MTO1: variants seen among roughly 807,000 people sequenced by gnomAD.
MTO1 encodes the protein 5-taurinomethyluridine-[tRNA] synthase subunit MTO1, mitochondrial.
A neutral mutation model predicts 71.6 loss-of-function variants in MTO1; 46 were observed. The ratio of observed to expected loss-of-function variants is 0.64; its 90% confidence interval spans 0.51 to 0.82. MTO1 has a LOEUF of 0.82. Ranked by LOEUF, MTO1 falls within the 40% of genes least tolerant of loss-of-function variation. MTO1 has a pLI of 0.00. For synonymous variants in MTO1, 297 were observed against 312.1 expected (o/e 0.95, Z 0.51); for missense variants, 773 against 867.5 (o/e 0.89, Z 1.37).
chr6:73,487,056 T>C (rs1288042065), intron 9 of MTO1, among the ~76,000 whole-genome samples: 1 of 152,210 alleles, frequency 6.6e-6, no homozygotes, highest in Non-Finnish European at 1.5e-5. Flanking sequence ...ATTTTATGTA[T>C]ATACCACATT....
At chr6:73,481,098 C>A (rs1334502960) in intron 7 of MTO1, 3 of 362,944 alleles carry the variant, frequency 8.3e-6, no homozygotes, top group Admixed American at 4.3e-5. Context: ...GGACTGCAGG[C>A]ATGCACCACA....
At chr6:73,486,687 G>A (rs997989071) in intron 9 of MTO1, 6 of 371,012 alleles carry the variant, frequency 1.6e-5, no homozygotes, top group Non-Finnish European at 2.2e-5. Context: ...GCAGTGAGCC[G>A]AGATCAAGCC....
At chr6:73,464,760 G>A (rs1465022713) in intron 1 of MTO1, among the ~76,000 whole-genome samples, 2 of 150,838 alleles carry the variant, frequency 1.3e-5, no homozygotes, top group Non-Finnish European at 3.0e-5. Flanking sequence ...ACTTGAACTC[G>A]GGAGGTGGAG....
Position 73,466,309 on chromosome 6 carries a change from G to T in MTO1, c.318G>T (p.Gln106His). 6.2e-7 allele frequency: 1 copy of T among 1,614,166 alleles called. No homozygotes were observed. Among genetic ancestry groups the T allele is most frequent in the Non-Finnish European group, 8.5e-7 (1 of 1,180,026 alleles). Residue 106 changes from glutamine to histidine, a missense_variant, in exon 2 of 12, where the codon CAG (glutamine) becomes CAT (histidine). Physicochemically the swap from Gln to His is conservative, Grantham distance 24. Coordinates refer to ENST00000498286, the MANE Select transcript of MTO1 (RefSeq NM_012123.4). Reference sequence around the variant, plus strand: ...GCCTGTGTTCTCGCATCTGTGACCAGTCTGGTGTACATTATAAAGTATTAA... The same window carrying T: ...GCCTGTGTTCTCGCATCTGTGACCATTCTGGTGTACATTATAAAGTATTAA... ...LDGLCSRICD[Q>H]SGVHYKVLNR...
intron 1 of MTO1, among the ~76,000 whole-genome samples, chr6:73,463,897 G>A (rs1197605520): frequency 6.6e-6 from 1 of 151,818 alleles, no homozygotes; most frequent in Non-Finnish European, 1.5e-5. Context: ...CTGCCACCAC[G>A]CCCAGCTAAT....
chr6:73,472,250 C>T (rs1274634333), intron 3 of MTO1, among the ~76,000 whole-genome samples: 3 of 152,142 alleles, frequency 2.0e-5, no homozygotes, highest in Admixed American at 6.6e-5. Flanking sequence ...TTCAAAAATA[C>T]ATTGAAATTT....
In MTO1 at chr6:73,500,601, G is replaced by C. The variant is rs1262103272; in HGVS notation, c.1945G>C (p.Val649Leu). ...TIGAASRIPG[V>L]TPAAIINLLR... ...CGGGGCTGCTAGTCGCATACCCGGA[G>C]TAACACCTGCCGCCATCATCAATCT... is the stretch of plus-strand genomic sequence containing the variant. The change falls in exon 12 of 12, where the codon GTA becomes CTA. Residue 649 changes from valine (V) to leucine (L), a missense_variant. By Grantham distance (32) the Val-to-Leu change is conservative. Transcript: ENST00000498286. 1 of 1,613,562 alleles carries C rather than the reference G, an allele frequency of 6.2e-7. No individual in the cohort carries two copies. Among genetic ancestry groups the C allele is most frequent in the Non-Finnish European group, 8.5e-7 (1 of 1,179,910 alleles).
At chr6:73,480,606 G>C (rs748410011) in intron 6 of MTO1, 69 bp from the exon 7 acceptor site, 36 of 1,569,938 alleles carry the variant, frequency 2.3e-5, no homozygotes, top group Non-Finnish European at 3.0e-5. Flanking sequence ...TAAGGGTAAT[G>C]CTTGCATCTC....
In MTO1 at chr6:73,462,038, A is replaced by T. The variant is rs1336269365; in HGVS notation, c.184A>T (p.Thr62Ser). The T allele has an allele frequency of 6.2e-7, 1 of 1,613,472 alleles. No homozygotes were observed. Among genetic ancestry groups the T allele is most frequent in the Non-Finnish European group, 8.5e-7 (1 of 1,179,834 alleles). Residue 62 changes from threonine to serine, a missense_variant, in exon 1 of 12, where the codon ACT becomes TCT. Transcript: ENST00000498286. ...ATAAARCGSR[T>S]LLLTHRVDTI... ...CGCCGCCGCTCGGTGCGGCTCTCGG[A>T]CTCTGCTCCTCACTCACCGCGTGGA...
At chr6:73,470,309 C>G (rs549454220) in intron 3 of MTO1, among the ~76,000 whole-genome samples, 1 of 151,970 alleles carries the variant, frequency 6.6e-6, no homozygotes, top group Non-Finnish European at 1.5e-5. Context: ...CAGGTTCAAG[C>G]GATTCTCCTG....
At chr6:73,485,989 T>C (rs1322721210) in intron 9 of MTO1, among the ~76,000 whole-genome samples, 1 of 152,142 alleles carries the variant, frequency 6.6e-6, no homozygotes, top group South Asian at 2.1e-4. Context: ...AGAAATGTAT[T>C]GATGTGTTAG....
intron 10 of MTO1, among the ~76,000 whole-genome samples, chr6:73,495,952 T>C (rs1486653264): frequency 6.6e-6 from 1 of 152,182 alleles, no homozygotes; most frequent in Admixed American, 6.6e-5. Flanking sequence ...TAAGTGGTAA[T>C]TGCCCAAGAT....
chr6:73,503,773 A>T lies in MTO1; in HGVS notation c.*3038A>T, dbSNP rs1772219745. Reference sequence around the variant, plus strand: ...TAAGCATTTGTAAAATTACTGGGGGAGGAAGGATGAAGATACGAACCTATG... The same window carrying T: ...TAAGCATTTGTAAAATTACTGGGGGTGGAAGGATGAAGATACGAACCTATG... On this transcript the variant is annotated 3_prime_UTR_variant, in exon 12 of 12. Transcript: ENST00000498286. 6.6e-6 allele frequency: 1 copy of T among 152,192 alleles called. No homozygotes were observed. The highest frequency in any genetic ancestry group is 2.1e-4 in the South Asian group (1 of 4,834). 9.4% of individuals were successfully genotyped at this position (152,192 alleles called of 1,614,324 possible). A position where few individuals can be genotyped will look rare whatever the true frequency, so the allele number is the denominator to read the frequency against.
At chr6:73,470,484 G>T (rs1214124561) in intron 3 of MTO1, among the ~76,000 whole-genome samples, 2 of 152,038 alleles carry the variant, frequency 1.3e-5, no homozygotes, top group African/African-American at 4.8e-5. Context: ...GGGATTACAG[G>T]CATGAGCCAC....
intron 9 of MTO1, among the ~76,000 whole-genome samples, chr6:73,485,848 A>G (rs1169691898): frequency 6.6e-6 from 1 of 152,222 alleles, no homozygotes; most frequent in Non-Finnish European, 1.5e-5. Flanking sequence ...CAGACTATGT[A>G]GTAAGCGCTG....
At chr6:73,499,705 G>A (rs1772101626) in intron 11 of MTO1, among the ~76,000 whole-genome samples, 1 of 152,090 alleles carries the variant, frequency 6.6e-6, no homozygotes, top group South Asian at 2.1e-4. Context: ...GGACAGCACT[G>A]GTCATAGGAG....
In MTO1 at chr6:73,466,425, A is replaced by G. The variant is rs776420893; in HGVS notation, c.417+17A>G. The G allele has an allele frequency of 1.2e-6, 2 of 1,613,656 alleles. No homozygotes were observed. Among genetic ancestry groups the G allele is most frequent in the South Asian group, 2.2e-5 (2 of 91,070 alleles). On this transcript the variant is annotated intron_variant, in intron 2 of 11. Transcript: ENST00000498286. ...AACATGCAGGTAAGAATAGGGCATG[A>G]GCACAGGAAAGATTATAGTGATTGT...
chr6:73,494,702 C>T (rs1582699310), intron 10 of MTO1, among the ~76,000 whole-genome samples: 1 of 150,602 alleles, frequency 6.6e-6, no homozygotes, highest in Non-Finnish European at 1.5e-5. Flanking sequence ...TCTTGAACTC[C>T]TGACTTCAGG....
At chr6:73,485,902 A>C (rs1322361432) in intron 9 of MTO1, among the ~76,000 whole-genome samples, 2 of 152,234 alleles carry the variant, frequency 1.3e-5, no homozygotes, top group Non-Finnish European at 2.9e-5. Flanking sequence ...CAGAAGAGAT[A>C]CACAAATGCA....
Sources: allele counts gnomAD v4.1 joint callset (sites outside exome capture counted in the v4.1 genomes callset), GRCh38; gene constraint gnomAD v4.1.1; transcripts MANE v1.5; gene names NCBI Gene and HGNC (gene_info 2026-07-23, HGNC 2026-07-21).